The following CNTNAP5 variants were observed in gnomAD, a reference collection of about 807,000 sequenced individuals.
The protein encoded by CNTNAP5 is contactin associated protein family member 5, also known as contactin-associated protein-like 5.
Under a neutral mutation model 150.2 loss-of-function variants are expected in CNTNAP5, and 72 were observed. The observed-to-expected ratio is 0.48, with a 90% CI of 0.40 to 0.58. The LOEUF is 0.58. Among genes scored for constraint, CNTNAP5 ranks in the 20% least tolerant of loss-of-function variants. CNTNAP5 has a pLI of 0.00. For synonymous variants in CNTNAP5, 672 were observed against 619.8 expected (o/e 1.08, Z -1.25); for missense variants, 1,636 against 1,626.2 (o/e 1.01, Z -0.10).
At chr2:124,441,878 T>C (rs1692683368) in intron 5 of CNTNAP5, among the ~76,000 whole-genome samples, 1 of 151,860 alleles carries the variant, frequency 6.6e-6, no homozygotes, top group African/African-American at 2.4e-5. Flanking sequence ...TATATATATG[T>C]ACTAAGTAAA....
intron 13 of CNTNAP5, among the ~76,000 whole-genome samples, chr2:124,721,482 A>AAAATAAAT (rs796076753): frequency 5.1e-5 from 6 of 118,760 alleles, no homozygotes; most frequent in South Asian, 2.7e-4. Context: ...ACTCCATCTC[A>AAAATAAAT]AAATAAATAA....
rs763713984 is a variant in CNTNAP5, at chr2:124,417,467, G to T, written c.406G>T (p.Asp136Tyr). ...GACCTTTGCAGGAAACATGAATGCT[G>T]ACAGCGTGGTGCACCACAAGCTATT... ...IWTFAGNMNA[D>Y]SVVHHKLLHS... The change falls in exon 4 of 24, where the codon GAC (aspartate) becomes TAC (tyrosine). Residue 136 changes from aspartate (D) to tyrosine (Y), a missense_variant. Transcript: ENST00000682447. The T allele has an allele frequency of 1.9e-6, 3 of 1,613,786 alleles. No homozygotes were observed. Among genetic ancestry groups the T allele is most frequent in the Non-Finnish European group, 2.5e-6 (3 of 1,179,856 alleles).
chr2:124,902,432 C>T (rs534297922), intron 21 of CNTNAP5, among the ~76,000 whole-genome samples: 1 of 152,254 alleles, frequency 6.6e-6, no homozygotes, highest in South Asian at 2.1e-4. Context: ...CCCTCTACCT[C>T]TTTATTTTTT....
chr2:124,838,137 T>G (rs1322021657), intron 19 of CNTNAP5, among the ~76,000 whole-genome samples: 2 of 152,096 alleles, frequency 1.3e-5, no homozygotes, highest in East Asian at 1.9e-4. Context: ...ATAATCAAGA[T>G]AATAATTGCA....
rs1681506878 is a variant in CNTNAP5, at chr2:124,783,933, T to TC, written c.2753-5969_2753-5968insC. Among the ~76,000 whole-genome samples the TC allele has an allele frequency of 5.9e-5, 9 of 152,308 alleles. No individual in the cohort carries two copies. The South Asian group carries it at 1.9e-3, about 32-fold the overall frequency. On this transcript the variant is annotated intron_variant, in intron 17 of 23. Transcript: ENST00000682447. ...TTTGAAATTAAAGTCTACAGTAGGATTTCCTCCTGGTACCAAGATTCTGCC... is the reference window on the plus strand; with the variant it reads ...TTTGAAATTAAAGTCTACAGTAGGATCTTCCTCCTGGTACCAAGATTCTGCC...
chr2:124,042,407 T>A, intron 1 of CNTNAP5, among the ~76,000 whole-genome samples: 1 of 152,298 alleles, frequency 6.6e-6, no homozygotes, highest in South Asian at 2.1e-4. Flanking sequence ...TTTGCTGAAA[T>A]CATATTTATT....
chr2:124,769,741 G>A (rs4848974), intron 16 of CNTNAP5, among the ~76,000 whole-genome samples: 2,564 of 152,128 alleles, frequency 0.017, 42 homozygotes, highest in South Asian at 0.038. Flanking sequence ...AGGTTTTATC[G>A]CAGGAATAAT....
At chr2:124,713,656 G>A (rs780678038) in intron 13 of CNTNAP5, among the ~76,000 whole-genome samples, 7 of 151,880 alleles carry the variant, frequency 4.6e-5, no homozygotes, top group Non-Finnish European at 7.4e-5. Flanking sequence ...GATTACAGGC[G>A]TGAGCCACCA....
At chr2:124,264,796 T>C (rs571235095) in intron 3 of CNTNAP5, among the ~76,000 whole-genome samples, 1 of 152,330 alleles carries the variant, frequency 6.6e-6, no homozygotes, top group Admixed American at 6.5e-5. Context: ...TCATTCCTGA[T>C]ATTTTATTTG....
At chr2:124,186,620 G>A (rs943531269) in intron 1 of CNTNAP5, among the ~76,000 whole-genome samples, 2 of 152,144 alleles carry the variant, frequency 1.3e-5, no homozygotes, top group Non-Finnish European at 2.9e-5. Context: ...CAGTGTTTAA[G>A]TGTTCCAACC....
chr2:124,382,605 T>C lies in CNTNAP5; in HGVS notation c.382-34838T>C, dbSNP rs1333000419. Among the ~76,000 whole-genome samples the C allele has an allele frequency of 2.6e-5, 4 of 152,294 alleles. No individual in the cohort carries two copies. The East Asian group carries it at 7.7e-4, about 29-fold the overall frequency. On this transcript the variant is annotated intron_variant, in intron 3 of 23. Coordinates refer to ENST00000682447, the MANE Select transcript of CNTNAP5 (RefSeq NM_001367498.1). ...TTTTTGCATAACATCTATGAGATGTTGGGTACCTTCATATACACTCTCCAA... is the reference window on the plus strand; with the variant it reads ...TTTTTGCATAACATCTATGAGATGTCGGGTACCTTCATATACACTCTCCAA...
chr2:124,342,325 G>A (rs558736396), intron 3 of CNTNAP5, among the ~76,000 whole-genome samples: 14 of 152,092 alleles, frequency 9.2e-5, no homozygotes, highest in Non-Finnish European at 2.1e-4. Context: ...CATAATACCT[G>A]TAGATTTGGG....
intron 13 of CNTNAP5, among the ~76,000 whole-genome samples, chr2:124,741,707 C>T (rs879673664): frequency 6.6e-6 from 1 of 152,118 alleles, no homozygotes; most frequent in African/African-American, 2.4e-5. Flanking sequence ...AATCCCTAGA[C>T]TTGATCTGCT....
chr2:124,307,666 TG>T (rs1688725465), intron 3 of CNTNAP5, among the ~76,000 whole-genome samples: 2 of 152,292 alleles, frequency 1.3e-5, no homozygotes, highest in African/African-American at 4.8e-5. Flanking sequence ...GTTCTTGCTT[TG>T]GGGGCTGAAA....
chr2:124,762,173 C>T (rs1238709531), intron 14 of CNTNAP5, among the ~76,000 whole-genome samples: 1 of 152,062 alleles, frequency 6.6e-6, no homozygotes, highest in African/African-American at 2.4e-5. Context: ...CAAGCTGAGA[C>T]AAAAGCCTTA....
intron 21 of CNTNAP5, among the ~76,000 whole-genome samples, chr2:124,883,242 T>C (rs2104740053): frequency 6.6e-6 from 1 of 151,974 alleles, no homozygotes; most frequent in Non-Finnish European, 1.5e-5. Context: ...TTGTATTTTG[T>C]ATAGAGATGG....
intron 3 of CNTNAP5, among the ~76,000 whole-genome samples, chr2:124,297,588 C>CT (rs889713456): frequency 1.1e-4 from 17 of 151,858 alleles, no homozygotes; most frequent in African/African-American, 4.1e-4. Context: ...TCTTTTTTCT[C>CT]TTTTTTCTAA....
At chr2:124,589,207 C>G (rs1341724098) in intron 11 of CNTNAP5, among the ~76,000 whole-genome samples, 1 of 152,132 alleles carries the variant, frequency 6.6e-6, no homozygotes, top group Non-Finnish European at 1.5e-5. Flanking sequence ...TCCACCACCC[C>G]CAGCCCCTGC....
intron 1 of CNTNAP5, among the ~76,000 whole-genome samples, chr2:124,118,431 G>A (rs1333889656): frequency 2.0e-5 from 3 of 152,190 alleles, no homozygotes; most frequent in African/African-American, 7.2e-5. Flanking sequence ...TGGGCAGATT[G>A]AAGGGATAGT....
Sources: gnomAD v4.1 joint callset for allele counts (sites outside exome capture counted in the v4.1 genomes callset) on GRCh38, gnomAD v4.1.1 for gene constraint, MANE v1.5 for transcripts, NCBI Gene and HGNC (gene_info 2026-07-23, HGNC 2026-07-21) for gene names.